Variants in LRMDA observed in about 807,000 individuals in gnomAD.
LRMDA encodes leucine-rich melanocyte differentiation-associated protein.
Under a neutral mutation model 29.8 loss-of-function variants are expected in LRMDA, and 18 were observed. That is an observed-to-expected ratio of 0.60 (90% CI 0.42 to 0.90). LRMDA has a LOEUF of 0.90. LRMDA is among the 40% of genes least tolerant of loss of function. The pLI is 0.00. For missense variants in LRMDA, 273 were observed against 273.9 expected (o/e 1.00, Z 0.02); for synonymous variants, 125 against 109.4 (o/e 1.14, Z -0.89).
At chr10:76,423,155 G>A (rs1842087576) in intron 6 of LRMDA, among the ~76,000 whole-genome samples, 1 of 152,336 alleles carries the variant, frequency 6.6e-6, no homozygotes, top group South Asian at 2.1e-4. Context: ...AGCACTTTGG[G>A]AGGCTGACGC....
At chr10:76,137,972 G>A (rs988897316) in intron 5 of LRMDA, among the ~76,000 whole-genome samples, 3 of 152,070 alleles carry the variant, frequency 2.0e-5, no homozygotes, top group Non-Finnish European at 4.4e-5. Context: ...ACTAAATTAG[G>A]AGAATGTTTT....
intron 2 of LRMDA, among the ~76,000 whole-genome samples, chr10:75,587,068 C>A (rs182435267): frequency 6.6e-6 from 1 of 152,118 alleles, no homozygotes; most frequent in Non-Finnish European, 1.5e-5. Flanking sequence ...TGTCAAGAAG[C>A]CTTTCCTCGG....
chr10:76,437,937 A>G (rs917174752), intron 6 of LRMDA, among the ~76,000 whole-genome samples: 2 of 152,158 alleles, frequency 1.3e-5, no homozygotes, highest in Non-Finnish European at 2.9e-5. Context: ...TGATTTTCAG[A>G]TGAGGAAACT....
intron 6 of LRMDA, among the ~76,000 whole-genome samples, chr10:76,473,985 A>C (rs538447518): frequency 6.6e-6 from 1 of 151,804 alleles, no homozygotes; most frequent in South Asian, 2.1e-4. Flanking sequence ...AATAATCAAG[A>C]CAGTGTGGTA....
chr10:75,453,450 G>A (rs1438464029), intron 2 of LRMDA, among the ~76,000 whole-genome samples: 1 of 152,068 alleles, frequency 6.6e-6, no homozygotes, highest in Non-Finnish European at 1.5e-5. Flanking sequence ...GTTTGTCCCC[G>A]TACTGCTAAA....
chr10:75,755,953 T>A (rs1469282169), intron 2 of LRMDA, among the ~76,000 whole-genome samples: 1 of 152,234 alleles, frequency 6.6e-6, no homozygotes, highest in Non-Finnish European at 1.5e-5. Context: ...CTGGTCTGGC[T>A]GGCATGTGGA....
chr10:75,704,908 C>T (rs1158854997), intron 2 of LRMDA, among the ~76,000 whole-genome samples: 1 of 152,124 alleles, frequency 6.6e-6, no homozygotes, highest in Admixed American at 6.5e-5. Flanking sequence ...GGGTAATACA[C>T]AGAGAATAAA....
At chr10:76,519,050 T>G (rs1200792287) in intron 6 of LRMDA, among the ~76,000 whole-genome samples, 1 of 152,168 alleles carries the variant, frequency 6.6e-6, no homozygotes, top group African/African-American at 2.4e-5. Flanking sequence ...GGTTTACATG[T>G]GTAATCCCAG....
intron 5 of LRMDA, among the ~76,000 whole-genome samples, chr10:76,156,615 C>A (rs1318342994): frequency 2.6e-5 from 4 of 152,126 alleles, no homozygotes; most frequent in Admixed American, 2.6e-4. Context: ...CCATGCCTGG[C>A]AGTCCCTGAG....
intron 5 of LRMDA, among the ~76,000 whole-genome samples, chr10:76,216,351 G>T (rs1050110381): frequency 1.8e-4 from 28 of 152,204 alleles, no homozygotes; most frequent in African/African-American, 6.7e-4. Context: ...GTGAGACCTT[G>T]TCTCTAAGAA....
intron 5 of LRMDA, among the ~76,000 whole-genome samples, chr10:76,205,695 G>A (rs1589375763): frequency 6.6e-6 from 1 of 152,108 alleles, no homozygotes; most frequent in Non-Finnish European, 1.5e-5. Context: ...AGGGGAGGAG[G>A]TTGAGGAGAA....
At chr10:75,613,103 G>A (rs939368734) in intron 2 of LRMDA, among the ~76,000 whole-genome samples, 47 of 131,292 alleles carry the variant, frequency 3.6e-4, no homozygotes, top group African/African-American at 1.3e-3. Context: ...CTGTAGACTT[G>A]AAAACCTTGC....
chr10:76,402,782 C>T (rs779127513), intron 6 of LRMDA, among the ~76,000 whole-genome samples: 6 of 152,168 alleles, frequency 3.9e-5, no homozygotes, highest in Non-Finnish European at 7.3e-5. Context: ...TACAGCAATG[C>T]GCTCCCTGCA....
intron 2 of LRMDA, among the ~76,000 whole-genome samples, chr10:76,022,608 G>C (rs1847993320): frequency 6.6e-6 from 1 of 152,192 alleles, no homozygotes; most frequent in Non-Finnish European, 1.5e-5. Context: ...TGGCTGCCTG[G>C]CAGAGAGCAC....
chr10:76,459,504 A>G (rs1842490926), intron 6 of LRMDA, among the ~76,000 whole-genome samples: 1 of 152,178 alleles, frequency 6.6e-6, no homozygotes, highest in African/African-American at 2.4e-5. Flanking sequence ...CCCAAAATAC[A>G]AAACCTAATT....
chr10:76,336,278 T>G (rs1380255906), intron 6 of LRMDA, among the ~76,000 whole-genome samples: 1 of 152,172 alleles, frequency 6.6e-6, no homozygotes, highest in East Asian at 1.9e-4. Flanking sequence ...AAATCAGGGT[T>G]TCACCTTGAC....
intron 6 of LRMDA, among the ~76,000 whole-genome samples, chr10:76,495,680 A>T (rs1055922817): frequency 6.6e-6 from 1 of 151,952 alleles, no homozygotes; most frequent in African/African-American, 2.4e-5. Context: ...ACCTGAAATT[A>T]TAAAATTTCA....
At chr10:75,434,222 G>C (rs1422130702) in intron 1 of LRMDA, among the ~76,000 whole-genome samples, 1 of 152,182 alleles carries the variant, frequency 6.6e-6, no homozygotes, top group Non-Finnish European at 1.5e-5. Context: ...CCTTCTGTGG[G>C]GAGAGTGGTC....
chr10:76,056,323 AGTACCATAT>A (rs1354229610), intron 4 of LRMDA, among the ~76,000 whole-genome samples: 4 of 152,326 alleles, frequency 2.6e-5, no homozygotes, highest in African/African-American at 9.6e-5. Context: ...GTCCAGAAAA[AGTACCATAT>A]GTTCTCACTC....
Sources: gnomAD v4.1 joint callset for allele counts (sites outside exome capture counted in the v4.1 genomes callset) on GRCh38, gnomAD v4.1.1 for gene constraint, MANE v1.5 for transcripts, NCBI Gene and HGNC (gene_info 2026-07-23, HGNC 2026-07-21) for gene names.